The following IGFL2 variants were observed in gnomAD, a reference collection of about 807,000 sequenced individuals.
IGFL2 encodes IGF like family member 2, also known as insulin growth factor-like family member 2.
In IGFL2, 7 loss-of-function variants were observed where a neutral mutation model predicts 13.9. The observed-to-expected ratio is 0.51, with a 90% CI of 0.29 to 0.95. IGFL2 has a LOEUF of 0.95. Among genes scored for constraint, IGFL2 ranks in the 40% least tolerant of loss-of-function variants. The pLI is 0.08. For synonymous variants in IGFL2, 55 were observed against 55.8 expected, an observed-to-expected ratio of 0.99 and a Z score of 0.07; for missense variants, 138 against 147.8, an observed-to-expected ratio of 0.93 and a Z score of 0.34.
the IGFL2 span, among the ~76,000 whole-genome samples, chr19:46,093,649 A>C: frequency 6.6e-6 from 1 of 152,192 alleles, no homozygotes; most frequent in African/African-American, 2.4e-5. Flanking sequence ...AGGAGTCTAT[A>C]AAGAATTCAT....
chr19:46,138,569 G>C (rs1972711008), upstream of IGFL2, among the ~76,000 whole-genome samples: 1 of 152,196 alleles, frequency 6.6e-6, no homozygotes, highest in Admixed American at 6.5e-5. Flanking sequence ...AGGGGAGGCT[G>C]TGGGTGAGTG....
At chr19:46,092,733 A>C in the IGFL2 span, among the ~76,000 whole-genome samples, 1 of 151,840 alleles carries the variant, frequency 6.6e-6, no homozygotes, top group Non-Finnish European at 1.5e-5. Flanking sequence ...CTCCTGCCTC[A>C]GCCTCCCAAA....
At chr19:46,131,264 TA>T in the IGFL2 span, among the ~76,000 whole-genome samples, 25 of 152,206 alleles carry the variant, frequency 1.6e-4, no homozygotes, top group African/African-American at 4.8e-4. Flanking sequence ...GATTTATGTG[TA>T]ATTTTTCTAG....
chr19:46,126,892 G>A, the IGFL2 span, among the ~76,000 whole-genome samples: 2 of 152,106 alleles, frequency 1.3e-5, no homozygotes, highest in African/African-American at 4.8e-5. Context: ...CCCTATTGAT[G>A]ATACGATGCA....
the IGFL2 span, among the ~76,000 whole-genome samples, chr19:46,125,732 G>T: frequency 6.6e-6 from 1 of 152,172 alleles, no homozygotes; most frequent in Non-Finnish European, 1.5e-5. Context: ...GGATGCACAA[G>T]GCTGCTCTCC....
At chr19:46,200,571 A>C in the IGFL2 span, among the ~76,000 whole-genome samples, 3 of 148,338 alleles carry the variant, frequency 2.0e-5, no homozygotes, top group Non-Finnish European at 4.5e-5. Flanking sequence ...GCTGGAGTGC[A>C]GTGGTCTTAT....
chr19:46,163,670 GGAGTTGCT>G (rs1974262903), downstream of IGFL2, among the ~76,000 whole-genome samples: 2 of 152,314 alleles, frequency 1.3e-5, no homozygotes, highest in Middle Eastern at 3.4e-3. Context: ...CTCTGTTCAT[GGAGTTGCT>G]GAGTTGCTAC....
chr19:46,182,670 C>T, the IGFL2 span, among the ~76,000 whole-genome samples: 9 of 152,278 alleles, frequency 5.9e-5, no homozygotes, highest in East Asian at 5.8e-4. Context: ...TCTCGATGCA[C>T]GTGTCAGCCA....
the IGFL2 span, among the ~76,000 whole-genome samples, chr19:46,109,606 G>A: frequency 1.2e-4 from 18 of 152,202 alleles, no homozygotes; most frequent in Non-Finnish European, 2.5e-4. Context: ...GTGAGACACC[G>A]CGCCCGGCCC....
chr19:46,145,598 A>ATGTGTGTGTGTGTGTGTG (rs765380139), upstream of IGFL2, among the ~76,000 whole-genome samples: 10 of 138,380 alleles, frequency 7.2e-5, no homozygotes, highest in African/African-American at 2.7e-4. Context: ...ACACTCATAT[A>ATGTGTGTGTGTGTGTGTG]TATGTGTGTG....
chr19:46,083,184 C>G, the IGFL2 span, among the ~76,000 whole-genome samples: 27 of 152,128 alleles, frequency 1.8e-4, no homozygotes, highest in African/African-American at 6.0e-4. Flanking sequence ...TTTCTACTTC[C>G]AGGGCTGTTA....
chr19:46,132,378 T>C, the IGFL2 span, among the ~76,000 whole-genome samples: 1 of 152,200 alleles, frequency 6.6e-6, no homozygotes, highest in South Asian at 2.1e-4. Context: ...AAATAAGATA[T>C]TGAATTAAAT....
chr19:46,123,932 T>A, the IGFL2 span: 1 of 1,611,380 alleles, frequency 6.2e-7, no homozygotes, highest in Non-Finnish European at 8.5e-7. Context: ...TGAGACTTCA[T>A]ACCCAGAACC....
chr19:46,140,005 A>G (rs1314108171), upstream of IGFL2, among the ~76,000 whole-genome samples: 1 of 152,082 alleles, frequency 6.6e-6, no homozygotes, highest in Non-Finnish European at 1.5e-5. Context: ...GCTGGAGTGC[A>G]GTGACATGAT....
At chr19:46,152,262 T>G (rs1973537739) in intron 1 of IGFL2, among the ~76,000 whole-genome samples, 1 of 127,548 alleles carries the variant, frequency 7.8e-6, no homozygotes, top group Non-Finnish European at 1.6e-5. Context: ...AGTAGCTTCC[T>G]TAGGTTTTTT....
chr19:46,134,123 C>G, the IGFL2 span, among the ~76,000 whole-genome samples: 1 of 152,114 alleles, frequency 6.6e-6, no homozygotes, highest in African/African-American at 2.4e-5. Context: ...GAAGAGACCA[C>G]CTGGTGGTCT....
the IGFL2 span, among the ~76,000 whole-genome samples, chr19:46,201,351 C>T: frequency 6.6e-6 from 1 of 152,244 alleles, no homozygotes; most frequent in African/African-American, 2.4e-5. Context: ...CCTTGCTGCC[C>T]ACTCCAGTCT....
At chr19:46,154,329 A>G (rs1018087290) in intron 1 of IGFL2, among the ~76,000 whole-genome samples, 2 of 152,130 alleles carry the variant, frequency 1.3e-5, no homozygotes, top group Admixed American at 6.5e-5. Context: ...CCTTTTGCCA[A>G]GACAAAGTGT....
the IGFL2 span, among the ~76,000 whole-genome samples, chr19:46,103,042 G>T: frequency 2.0e-5 from 3 of 152,130 alleles, no homozygotes; most frequent in Non-Finnish European, 4.4e-5. Flanking sequence ...AAGACACAAG[G>T]TCCAAATAAG....
Sources: gnomAD v4.1 joint callset for allele counts (sites outside exome capture counted in the v4.1 genomes callset) on GRCh38, gnomAD v4.1.1 for gene constraint, MANE v1.5 for transcripts, NCBI Gene and HGNC (gene_info 2026-07-23, HGNC 2026-07-21) for gene names.